The following MS4A15 variants were observed in gnomAD, a reference collection of about 807,000 sequenced individuals.
MS4A15 encodes the protein membrane-spanning 4-domains subfamily A member 15.
Under a neutral mutation model 20.6 loss-of-function variants are expected in MS4A15, and 22 were observed. The ratio of observed to expected loss-of-function variants is 1.07; its 90% CI spans 0.76 to 1.52. The LOEUF (loss-of-function observed/expected upper bound fraction) is 1.52, where lower values mean the gene tolerates loss of function less well. Ranked by LOEUF, MS4A15 falls within the 40% of genes most tolerant of loss-of-function variation. The probability of loss-of-function intolerance (pLI) is 0.00; values close to 1 mark genes in which losing one functional copy is unlikely to be tolerated. For synonymous variants in MS4A15, 129 were observed against 129.3 expected, an observed-to-expected ratio of 1.00 and a Z score of 0.02; for missense variants, 312 against 323.0, an observed-to-expected ratio of 0.97 and a Z score of 0.26.
chr11:60,766,311 G>A (rs1853884533), intron 2 of MS4A15, among the ~76,000 whole-genome samples: 1 of 152,230 alleles, frequency 6.6e-6, no homozygotes, highest in Admixed American at 6.5e-5. Context: ...AACCTGGGAG[G>A]CAGAGTTTGC....
At chr11:60,766,396 T>C (rs1853886061) in intron 2 of MS4A15, among the ~76,000 whole-genome samples, 1 of 152,056 alleles carries the variant, frequency 6.6e-6, no homozygotes, top group South Asian at 2.1e-4. Context: ...ATAATAATAA[T>C]AATAGTAATA....
At chr11:60,761,893 G>A (rs1853751531) in intron 1 of MS4A15, among the ~76,000 whole-genome samples, 1 of 152,198 alleles carries the variant, frequency 6.6e-6, no homozygotes, top group Non-Finnish European at 1.5e-5. Context: ...CCAGTAGTTA[G>A]TATGCTACAT....
At chr11:60,771,065 GC>G (rs1286083267) in intron 3 of MS4A15, among the ~76,000 whole-genome samples, 1 of 152,150 alleles carries the variant, frequency 6.6e-6, no homozygotes, top group Non-Finnish European at 1.5e-5. Flanking sequence ...TCCCCATGAG[GC>G]CCTGATGATA....
intron 1 of MS4A15, among the ~76,000 whole-genome samples, chr11:60,761,278 G>A (rs1302264133): frequency 6.6e-6 from 1 of 152,190 alleles, no homozygotes; most frequent in Admixed American, 6.5e-5. Context: ...TGCTAAGTGT[G>A]TTACTCTTAT....
chr11:60,764,418 G>C (rs996035227), intron 2 of MS4A15, among the ~76,000 whole-genome samples: 3 of 152,216 alleles, frequency 2.0e-5, no homozygotes, highest in Non-Finnish European at 4.4e-5. Context: ...ATGAGCAAAG[G>C]AAAGGGGGAG....
At chr11:60,767,394 C>A in intron 2 of MS4A15, 139 bp from the exon 3 acceptor site, 1 of 1,093,526 alleles carries the variant, frequency 9.1e-7, no homozygotes. Context: ...ATAATATCGC[C>A]TCTAAAGAAC....
At chr11:60,759,183 A>T (rs1853666292) in intron 1 of MS4A15, among the ~76,000 whole-genome samples, 1 of 152,218 alleles carries the variant, frequency 6.6e-6, no homozygotes, top group African/African-American at 2.4e-5. Flanking sequence ...CTCCATTTTG[A>T]TCTGTACAAA....
At chr11:60,770,644 G>C (rs1854011302) in intron 3 of MS4A15, among the ~76,000 whole-genome samples, 2 of 151,548 alleles carry the variant, frequency 1.3e-5, no homozygotes, top group African/African-American at 4.8e-5. Context: ...CAGAGATCTG[G>C]TCTGCCTTAT....
Position 60,768,019 on chromosome 11 carries a change from C to A in MS4A15, c.348+364C>A, listed in dbSNP as rs751046763. Among the ~76,000 whole-genome samples the A allele has an allele frequency of 9.2e-5, 14 of 152,012 alleles. 1 individual carries two copies. The highest frequency in any genetic ancestry group is 2.1e-4 in the Non-Finnish European group (14 of 67,978). On this transcript the variant is annotated intron_variant, in intron 3 of 6. Coordinates refer to ENST00000405633, the MANE Select transcript of MS4A15 (RefSeq NM_001098835.2). ...ACCAGCCTGACCAACATGGTGATAC[C>A]CCGTCTCTACTAAAAATACAAAAAT... is the stretch of plus-strand genomic sequence containing the variant.
rs17628721 is a variant in MS4A15, at chr11:60,775,894, C to A, written c.*179C>A. 6 of 521,756 alleles carry A rather than the reference C, an allele frequency of 1.1e-5. No individual in the cohort carries two copies. The highest frequency in any genetic ancestry group is 1.7e-5 in the Non-Finnish European group (5 of 293,390). 32.3% of individuals were successfully genotyped at this position (521,756 alleles called of 1,614,324 possible). ...CAGGGACATCTCTCCCACACTTTCC[C>A]CAGTGCTTTCTTTCTAAAAGACACC... On this transcript the variant is annotated 3_prime_UTR_variant, in exon 7 of 7. Transcript: ENST00000405633.
At chr11:60,769,074 C>T (rs2134719320) in intron 3 of MS4A15, among the ~76,000 whole-genome samples, 1 of 152,272 alleles carries the variant, frequency 6.6e-6, no homozygotes, top group South Asian at 2.1e-4. Context: ...GAAATCACAA[C>T]AGGAAGAAAC....
Position 60,767,622 on chromosome 11 carries a change from C to T in MS4A15, c.315C>T (p.Ile105=), listed in dbSNP as rs1232885987. ...GCGGCCACGTGGGCATCTTCTTCAT[C>T]GAGGGCGGCGTCCCCTTCTGGGGAG... is the stretch of plus-strand genomic sequence containing the variant. ...VRRGHVGIFF[I]EGGVPFWGGA... is the part of the protein sequence containing the mutation. The change falls in exon 3 of 7, where the codon ATC becomes ATT. Residue 105 remains isoleucine (I), a synonymous_variant. Transcript: ENST00000405633. The T allele has an allele frequency of 6.4e-7, 1 of 1,556,886 alleles. No individual in the cohort carries two copies. Among genetic ancestry groups the T allele is most frequent in the Non-Finnish European group, 8.7e-7 (1 of 1,149,696 alleles).
chr11:60,757,707 C>G (rs1242661868), intron 1 of MS4A15, among the ~76,000 whole-genome samples: 2 of 152,194 alleles, frequency 1.3e-5, no homozygotes, highest in African/African-American at 4.8e-5. Context: ...CTTGAGGAGT[C>G]TGGAGGCCGC....
intron 4 of MS4A15, chr11:60,771,594 T>G (rs1318800019): frequency 6.6e-7 from 1 of 1,509,068 alleles, no homozygotes; most frequent in African/African-American, 1.4e-5. Context: ...CTCATGGTCA[T>G]TCCGAGAAAG....
intron 4 of MS4A15, among the ~76,000 whole-genome samples, chr11:60,772,919 C>T (rs997496572): frequency 2.6e-5 from 4 of 152,198 alleles, no homozygotes; most frequent in Admixed American, 6.5e-5. Context: ...TGCCTCACTC[C>T]GCCAGCCACT....
chr11:60,774,746 G>A (rs1206645660), intron 6 of MS4A15, among the ~76,000 whole-genome samples: 2 of 152,254 alleles, frequency 1.3e-5, no homozygotes, highest in Admixed American at 6.5e-5. Flanking sequence ...AGGGGAACCA[G>A]TTGGAGCAAA....
At chr11:60,767,690 G>T in intron 3 of MS4A15, 35 bp downstream of exon 3, 1 of 1,512,914 alleles carries the variant, frequency 6.6e-7, no homozygotes, top group South Asian at 1.3e-5. Flanking sequence ...GAGGGTAGGG[G>T]GATGCTGCCC....
At chr11:60,768,765 G>A (rs775050115) in intron 3 of MS4A15, among the ~76,000 whole-genome samples, 1 of 152,326 alleles carries the variant, frequency 6.6e-6, no homozygotes, top group Non-Finnish European at 1.5e-5. Flanking sequence ...GCACCAAATG[G>A]TGACTGTTGA....
chr11:60,759,343 G>T (rs1385915527), intron 1 of MS4A15, among the ~76,000 whole-genome samples: 1 of 152,258 alleles, frequency 6.6e-6, no homozygotes, highest in East Asian at 1.9e-4. Flanking sequence ...CAGACAGTAT[G>T]CTTGGTAAAA....
Sources: allele counts gnomAD v4.1 joint callset (sites outside exome capture counted in the v4.1 genomes callset), GRCh38; gene constraint gnomAD v4.1.1; transcripts MANE v1.5; gene names NCBI Gene and HGNC (gene_info 2026-07-23, HGNC 2026-07-21).